EHD4: variants seen among roughly 807,000 people sequenced by gnomAD.
EHD4 encodes EH domain-containing protein 4.
In EHD4, 37 loss-of-function variants were observed where a neutral mutation model predicts 51.0. The ratio of observed to expected loss-of-function variants is 0.73; its 90% CI spans 0.56 to 0.95. The LOEUF (loss-of-function observed/expected upper bound fraction) is 0.95. Among genes scored for constraint, EHD4 ranks in the 40% least tolerant of loss-of-function variants. The pLI, the probability that EHD4 is intolerant of heterozygous loss-of-function variation, is 0.00. For synonymous variants in EHD4, 297 were observed against 317.3 expected, an observed-to-expected ratio of 0.94 and a Z score of 0.68; for missense variants, 632 against 733.1, an observed-to-expected ratio of 0.86 and a Z score of 1.59.
At chr15:41,943,546 T>C (rs188151994) in intron 2 of EHD4, among the ~76,000 whole-genome samples, 2 of 152,346 alleles carry the variant, frequency 1.3e-5, no homozygotes, top group African/African-American at 4.8e-5. Flanking sequence ...GGAATTATGC[T>C]TAACATAAGA....
chr15:41,950,105 TC>T (rs2067843506), intron 2 of EHD4, among the ~76,000 whole-genome samples: 1 of 152,240 alleles, frequency 6.6e-6, no homozygotes, highest in African/African-American at 2.4e-5. Flanking sequence ...TGTTCTAAAC[TC>T]CTTTTATTGT....
At chr15:41,958,623 C>T (rs2067903608) in intron 1 of EHD4, among the ~76,000 whole-genome samples, 1 of 152,042 alleles carries the variant, frequency 6.6e-6, no homozygotes, top group Admixed American at 6.5e-5. Flanking sequence ...CTCAATATGT[C>T]CAAGCACCAT....
At chr15:41,915,069 G>T (rs2067574553) in intron 4 of EHD4, among the ~76,000 whole-genome samples, 1 of 148,450 alleles carries the variant, frequency 6.7e-6, no homozygotes. Flanking sequence ...TTTAGTACAT[G>T]TGTCTCAGTC....
intron 4 of EHD4, among the ~76,000 whole-genome samples, chr15:41,915,748 T>C (rs1014614876): frequency 1.3e-5 from 2 of 152,182 alleles, no homozygotes; most frequent in Admixed American, 6.5e-5. Context: ...CAGCTTCCTT[T>C]AAAGAATCAT....
intron 4 of EHD4, among the ~76,000 whole-genome samples, chr15:41,918,820 T>C (rs2067602842): frequency 6.6e-6 from 1 of 152,230 alleles, no homozygotes; most frequent in African/African-American, 2.4e-5. Context: ...ATGCCACCTC[T>C]TTCAGGTTTG....
intron 3 of EHD4, among the ~76,000 whole-genome samples, chr15:41,933,589 A>AC (rs976152910): frequency 6.6e-6 from 1 of 152,082 alleles, no homozygotes; most frequent in African/African-American, 2.4e-5. Flanking sequence ...CCTCTCTTCC[A>AC]CCTAGAATCC....
chr15:41,932,205 C>T (rs2140994488), intron 3 of EHD4, among the ~76,000 whole-genome samples: 1 of 152,260 alleles, frequency 6.6e-6, no homozygotes, highest in East Asian at 1.9e-4. Flanking sequence ...GAGGCAGCTC[C>T]GAAGTACAGA....
At chr15:41,965,402 G>C (rs966343898) in intron 1 of EHD4, among the ~76,000 whole-genome samples, 5 of 152,196 alleles carry the variant, frequency 3.3e-5, no homozygotes, top group African/African-American at 1.2e-4. Flanking sequence ...AGAGAAATGT[G>C]AACAGATGGG....
At chr15:41,935,902 G>C (rs567108754) in intron 3 of EHD4, among the ~76,000 whole-genome samples, 7 of 152,186 alleles carry the variant, frequency 4.6e-5, no homozygotes, top group Non-Finnish European at 8.8e-5. Context: ...CTGGTTCTGT[G>C]ATGGCCCCTT....
intron 1 of EHD4, among the ~76,000 whole-genome samples, chr15:41,962,454 T>C (rs2067930270): frequency 6.6e-6 from 1 of 151,152 alleles, no homozygotes; most frequent in Non-Finnish European, 1.5e-5. Context: ...AGACTCAATA[T>C]AGTATTTAAT....
chr15:41,950,451 C>T (rs1211449505), intron 2 of EHD4, among the ~76,000 whole-genome samples: 1 of 152,228 alleles, frequency 6.6e-6, no homozygotes, highest in African/African-American at 2.4e-5. Context: ...CTAGGTGTTA[C>T]ATTTTGACCT....
intron 3 of EHD4, among the ~76,000 whole-genome samples, chr15:41,939,904 A>G (rs1443968620): frequency 6.6e-6 from 1 of 152,114 alleles, no homozygotes; most frequent in African/African-American, 2.4e-5. Flanking sequence ...CTCCAAAATC[A>G]ATTGCCCTCA....
intron 3 of EHD4, among the ~76,000 whole-genome samples, chr15:41,932,841 C>T (rs1417913092): frequency 6.6e-6 from 1 of 152,204 alleles, no homozygotes; most frequent in African/African-American, 2.4e-5. Flanking sequence ...GTCTGAGTCC[C>T]AGGACTCGGC....
chr15:41,950,778 G>A (rs1023696025), intron 2 of EHD4, among the ~76,000 whole-genome samples: 1 of 152,154 alleles, frequency 6.6e-6, no homozygotes, highest in African/African-American at 2.4e-5. Flanking sequence ...AGGGGAGAAG[G>A]GGAACACTGG....
chr15:41,918,463 T>C (rs1595533277), intron 4 of EHD4, among the ~76,000 whole-genome samples: 1 of 152,376 alleles, frequency 6.6e-6, no homozygotes, highest in East Asian at 1.9e-4. Context: ...CATTTTTTTC[T>C]CTGTATTTTC....
At chr15:41,921,403 G>T (rs2067624207) in intron 3 of EHD4, 1 of 152,216 alleles carries the variant, frequency 6.6e-6, no homozygotes, top group African/African-American at 2.4e-5. Context: ...CATAGTCAAG[G>T]TTTCACTCTG....
At chr15:41,948,217 CACTCCAGCATAGGTGATGGAGCAAG>C (rs1290538820) in intron 2 of EHD4, among the ~76,000 whole-genome samples, 2 of 152,072 alleles carry the variant, frequency 1.3e-5, no homozygotes, top group Admixed American at 1.3e-4. Context: ...TGCGCCACTG[CACTCCAGCATAGGTGATGGAGCAAG>C]ACTCCGCCTC....
At chr15:41,950,899 C>T (rs891852708) in intron 2 of EHD4, among the ~76,000 whole-genome samples, 7 of 152,180 alleles carry the variant, frequency 4.6e-5, no homozygotes, top group Non-Finnish European at 8.8e-5. Flanking sequence ...GTGTTATCAA[C>T]GCCAAAAGAA....
intron 3 of EHD4, among the ~76,000 whole-genome samples, chr15:41,921,195 G>A (rs532802353): frequency 1.6e-4 from 25 of 152,286 alleles, no homozygotes; most frequent in African/African-American, 6.0e-4. Context: ...TGAGTGTGGT[G>A]TTTATGCCGC....
Sources: allele counts gnomAD v4.1 joint callset (sites outside exome capture counted in the v4.1 genomes callset), GRCh38; gene constraint gnomAD v4.1.1; transcripts MANE v1.5; gene names NCBI Gene and HGNC (gene_info 2026-07-23, HGNC 2026-07-21).